The following PIGN variants were observed in gnomAD, a reference collection of about 807,000 sequenced individuals.
PIGN encodes the protein phosphatidylinositol glycan anchor biosynthesis class N.
A neutral mutation model predicts 125.4 loss-of-function variants in PIGN; 117 were observed. The observed-to-expected ratio is 0.93, with a 90% CI of 0.80 to 1.09. The LOEUF (loss-of-function observed/expected upper bound fraction) is 1.09. Ranked by LOEUF, PIGN falls within the 50% of genes least tolerant of loss-of-function variation. The pLI is 0.00. For synonymous variants in PIGN, 392 were observed against 377.8 expected (o/e 1.04, Z -0.44); for missense variants, 1,075 against 1,094.9 (o/e 0.98, Z 0.26).
Position 62,147,082 on chromosome 18 carries a change from T to A in PIGN, c.694A>T (p.Lys232Ter), listed in dbSNP as rs886039218. Reference sequence around the variant, plus strand: ...TCTTTAACTCCATCATCAACTTTTTTAATATTGTGCTTGTAGTCTCTATTT... The same window carrying A: ...TCTTTAACTCCATCATCAACTTTTTAAATATTGTGCTTGTAGTCTCTATTT... ...PSSRDYKHNI[K>*]KVDDGVKEIV... is the part of the protein sequence containing the mutation. Residue 232 changes from lysine (K) to a stop codon, truncating the protein, a stop_gained, in exon 9 of 31, where the codon AAA (lysine) becomes TAA (stop). Coordinates refer to ENST00000640252, the MANE Select transcript of PIGN (RefSeq NM_176787.5). LOFTEE classifies it high-confidence loss of function. 1.4e-5 allele frequency: 22 copies of A among 1,603,972 alleles called. No individual in the cohort carries two copies. The highest frequency in any genetic ancestry group is 1.7e-5 in the Admixed American group (1 of 59,638).
At chr18:62,021,082 A>G (rs1396343414) in intron 23 of PIGN, among the ~76,000 whole-genome samples, 7 of 152,206 alleles carry the variant, frequency 4.6e-5, no homozygotes, top group Non-Finnish European at 1.0e-4. Flanking sequence ...TTTGGAATAT[A>G]GTTTGGAAAT....
chr18:62,176,464 C>G (rs1294710252), intron 1 of PIGN, among the ~76,000 whole-genome samples: 1 of 151,822 alleles, frequency 6.6e-6, no homozygotes, highest in Non-Finnish European at 1.5e-5. Context: ...GGGAAAAATA[C>G]TAACAATGGA....
chr18:62,164,206 TA>T (rs750527843), intron 1 of PIGN, among the ~76,000 whole-genome samples: 72 of 152,318 alleles, frequency 4.7e-4, no homozygotes, highest in Non-Finnish European at 7.9e-4. Context: ...TAGATCCACT[TA>T]ATTACAAGAA....
At chr18:62,182,660 C>A (rs555456508) in intron 1 of PIGN, among the ~76,000 whole-genome samples, 1 of 152,106 alleles carries the variant, frequency 6.6e-6, no homozygotes, top group Non-Finnish European at 1.5e-5. Flanking sequence ...CATTTCTTGC[C>A]ATGTAGCCAG....
chr18:62,159,929 C>T (rs1287561015), intron 4 of PIGN, among the ~76,000 whole-genome samples: 5 of 152,068 alleles, frequency 3.3e-5, no homozygotes, highest in Non-Finnish European at 4.4e-5. Context: ...CTGGCTAACA[C>T]GGTGAAATCC....
intron 1 of PIGN, among the ~76,000 whole-genome samples, chr18:62,169,565 C>T (rs920922274): frequency 1.3e-5 from 2 of 151,748 alleles, no homozygotes; most frequent in African/African-American, 2.4e-5. Context: ...GCTTTCATTT[C>T]TCTTCAGTAA....
At chr18:62,139,213 T>C (rs1241211238) in intron 12 of PIGN, 138 bp from the exon 13 acceptor site, 2 of 553,424 alleles carry the variant, frequency 3.6e-6, no homozygotes, top group South Asian at 5.4e-5. Flanking sequence ...GAAAAATCTT[T>C]TTAAAACTAT....
chr18:62,119,752 G>A (rs1242468283), intron 14 of PIGN, among the ~76,000 whole-genome samples: 1 of 151,774 alleles, frequency 6.6e-6, no homozygotes, highest in Non-Finnish European at 1.5e-5. Flanking sequence ...GTTGAGGCAG[G>A]AGAATTGCTT....
At chr18:62,088,584 T>C (rs570940921) in intron 25 of PIGN, 172 bp downstream of exon 25, 5 of 501,174 alleles carry the variant, frequency 1.0e-5, no homozygotes, top group African/African-American at 1.0e-4. Context: ...TATTTATACT[T>C]TTCTATAGTT....
intron 30 of PIGN, chr18:62,070,552 C>T (rs957713847): frequency 3.0e-5 from 12 of 397,802 alleles, no homozygotes; most frequent in Non-Finnish European, 4.4e-5. Context: ...CACATGGTGT[C>T]TCCTGCAAAC....
At chr18:62,097,657 T>C (rs2034266887) in intron 22 of PIGN, among the ~76,000 whole-genome samples, 1 of 152,198 alleles carries the variant, frequency 6.6e-6, no homozygotes, top group African/African-American at 2.4e-5. Context: ...TAGGCATTTA[T>C]ATCTTAGTTC....
chr18:62,132,960 T>C (rs139217674), intron 14 of PIGN, among the ~76,000 whole-genome samples: 110 of 152,290 alleles, frequency 7.2e-4, no homozygotes, highest in African/African-American at 2.6e-3. Context: ...GTCCCAAACT[T>C]ATGAGAGTTT....
At position 62,138,084 on chromosome 18, in the gene PIGN, T is replaced by A. The variant is rs1266290972; in HGVS notation, c.1172+159A>T. ...GTTATCTAGCACCTGGCTCATTATT[T>A]AACAACAGCAATAGAAGAGGATTTC... is the stretch of plus-strand genomic sequence containing the variant. On this transcript the variant is annotated intron_variant, in intron 14 of 30. Coordinates refer to ENST00000640252, the MANE Select transcript of PIGN (RefSeq NM_176787.5). 3.9e-6 allele frequency: 4 copies of A among 1,024,064 alleles called. No individual in the cohort carries two copies. The African/African-American group carries it at 5.0e-5, about 13-fold the overall frequency. The allele number at this position is 1,024,064 out of a possible 1,614,324, so 63.4% of individuals were successfully genotyped here.
chr18:62,146,688 TAC>T (rs2036341043), intron 9 of PIGN, among the ~76,000 whole-genome samples: 1 of 152,210 alleles, frequency 6.6e-6, no homozygotes, highest in African/African-American at 2.4e-5. Context: ...TGCCATCATA[TAC>T]AGTTAATTCT....
chr18:62,123,358 G>A (rs1299986600), intron 14 of PIGN: 1 of 144,686 alleles, frequency 6.9e-6, no homozygotes, highest in East Asian at 1.9e-4. Flanking sequence ...CAAGATGATG[G>A]AAAATGAGGA....
Position 62,031,518 on chromosome 18 carries a change from G to A in PIGN, c.2143-13777C>T, listed in dbSNP as rs78268188. Among the ~76,000 whole-genome samples, 1,053 of 152,264 alleles carry A rather than the reference G, an allele frequency of 6.9e-3. 3 individuals are homozygous for A. The highest frequency in any genetic ancestry group is 0.011 in the Non-Finnish European group (723 of 68,018). ...TTCAGTAGATGGAAATTTCTTTGAA[G>A]GGAAATGAAAAGTTGAGTGATGCTC... On this transcript the variant is annotated intron_variant, in intron 23 of 24. Transcript: ENST00000639600.
At chr18:62,027,387 A>T (rs56393491) in intron 23 of PIGN, among the ~76,000 whole-genome samples, 26,243 of 152,184 alleles carry the variant, frequency 0.17, 3,091 homozygotes, top group Middle Eastern at 0.29. Flanking sequence ...TCCTGACGAC[A>T]TGTGCCCAAG....
intron 22 of PIGN, among the ~76,000 whole-genome samples, chr18:62,098,157 T>A (rs578142362): frequency 2.0e-5 from 3 of 152,358 alleles, no homozygotes; most frequent in Admixed American, 1.3e-4. Flanking sequence ...TAGTGCTTAG[T>A]AACTGTTAAC....
At chr18:62,062,713 T>C (rs2032226672) in intron 30 of PIGN, among the ~76,000 whole-genome samples, 1 of 151,998 alleles carries the variant, frequency 6.6e-6, no homozygotes, top group Non-Finnish European at 1.5e-5. Context: ...TATAATATTT[T>C]AATATGTATA....
Sources: gnomAD v4.1 joint callset for allele counts (sites outside exome capture counted in the v4.1 genomes callset) on GRCh38, gnomAD v4.1.1 for gene constraint, MANE v1.5 for transcripts, NCBI Gene and HGNC (gene_info 2026-07-23, HGNC 2026-07-21) for gene names.